Variants in DHRSX observed in about 807,000 individuals in gnomAD.
DHRSX encodes dehydrogenase/reductase X-linked.
Under a neutral mutation model 34.0 loss-of-function variants are expected in DHRSX, and 31 were observed. The observed-to-expected ratio is 0.91, with a 90% CI of 0.69 to 1.23. The LOEUF is 1.23. DHRSX is among the 50% of genes most tolerant of loss of function. The pLI is 0.00. For synonymous variants in DHRSX, 201 were observed against 183.8 expected, an observed-to-expected ratio of 1.09 and a Z score of -0.76; for missense variants, 414 against 428.1, an observed-to-expected ratio of 0.97 and a Z score of 0.29.
intron 3 of DHRSX, among the ~76,000 whole-genome samples, chrX:2,399,406 TA>T (rs776224649): frequency 4.7e-4 from 67 of 142,254 alleles, no homozygotes; most frequent in Non-Finnish European, 5.2e-4. Context: ...ATTTTATGTT[TA>T]AAAAAAAAAA....
intron 3 of DHRSX, among the ~76,000 whole-genome samples, chrX:2,322,737 C>T (rs1272441167): frequency 6.6e-6 from 1 of 150,476 alleles, no homozygotes; most frequent in Non-Finnish European, 1.5e-5. Context: ...ATACAGTATA[C>T]AATACATAAA....
At chrX:2,363,495 C>A (rs113445968) in intron 3 of DHRSX, among the ~76,000 whole-genome samples, 2 of 116,880 alleles carry the variant, frequency 1.7e-5, no homozygotes, top group African/African-American at 6.1e-5. Context: ...ATTTTATCAC[C>A]GTTCTATGGT....
rs1375451038 is a variant in DHRSX, at chrX:2,470,204, C to T, written c.109+30613G>A. ...AATCTAAAAAAGCTGAACGCATAAA[C>T]GCAGAGAGTGCAATGGTGGTTGCCA... On this transcript the variant is annotated intron_variant, in intron 1 of 6. Coordinates refer to ENST00000334651, the MANE Select transcript of DHRSX (RefSeq NM_145177.3). Among the ~76,000 whole-genome samples the T allele has an allele frequency of 3.3e-5, 5 of 150,574 alleles. No individual in the cohort carries two copies. In the East Asian group the frequency reaches 7.7e-4, roughly 23 times the overall value.
At chrX:2,272,969 T>TTA (rs1279555888) in intron 4 of DHRSX, among the ~76,000 whole-genome samples, 5 of 152,148 alleles carry the variant, frequency 3.3e-5, no homozygotes, top group Admixed American at 6.5e-5. Context: ...AAAGAAGTCC[T>TTA]TATATCAAAA....
intron 1 of DHRSX, among the ~76,000 whole-genome samples, chrX:2,430,641 G>A (rs1176499685): frequency 6.6e-6 from 1 of 152,004 alleles, no homozygotes. Flanking sequence ...TTCTGCCAGC[G>A]CCTGTTTGAC....
intron 3 of DHRSX, among the ~76,000 whole-genome samples, chrX:2,307,350 C>T (rs1332672565): frequency 2.0e-5 from 3 of 152,100 alleles, no homozygotes. Context: ...AAAACTCTAC[C>T]TATGAGGTAT....
In DHRSX at chrX:2,381,529, G is replaced by C. The variant is rs1290361283; in HGVS notation, c.286+27216C>G. Among the ~76,000 whole-genome samples the C allele has an allele frequency of 1.2e-4, 18 of 152,066 alleles. 1 individual carries two copies. The highest frequency in any genetic ancestry group is 1.2e-3 in the Admixed American group (18 of 15,258). ...CCCAGCTACTCAGGAGGCTGAGGCA[G>C]GAGAATCGCTTGAACCCAGAGGGCA... is the stretch of plus-strand genomic sequence containing the variant. On this transcript the variant is annotated intron_variant, in intron 3 of 6. Coordinates refer to ENST00000334651, the MANE Select transcript of DHRSX (RefSeq NM_145177.3).
At chrX:2,402,283 C>T (rs1216035210) in intron 3 of DHRSX, among the ~76,000 whole-genome samples, 1 of 152,248 alleles carries the variant, frequency 6.6e-6, no homozygotes, top group African/African-American at 2.4e-5. Flanking sequence ...CTCTGTCCCT[C>T]GCTGGGCAAC....
chrX:2,230,397 AC>A (rs1334432135), intron 6 of DHRSX, among the ~76,000 whole-genome samples: 3 of 152,170 alleles, frequency 2.0e-5, no homozygotes, highest in Non-Finnish European at 4.4e-5. Flanking sequence ...ACACACACAA[AC>A]CTGCTCTTAC....
intron 4 of DHRSX, among the ~76,000 whole-genome samples, chrX:2,282,617 G>GGAGAAA (rs1334699821): frequency 9.1e-5 from 13 of 142,748 alleles, no homozygotes; most frequent in African/African-American, 3.4e-4. Flanking sequence ...AAGAAAGAGG[G>GGAGAAA]GAGGGAGAGA....
intron 1 of DHRSX, among the ~76,000 whole-genome samples, chrX:2,494,800 T>C (rs916316870): frequency 3.9e-5 from 6 of 151,944 alleles, no homozygotes; most frequent in Non-Finnish European, 8.8e-5. Context: ...TCCCAGTACC[T>C]AGAAGAAAAG....
intron 3 of DHRSX, among the ~76,000 whole-genome samples, chrX:2,365,981 G>A (rs192359891): frequency 6.6e-6 from 1 of 152,258 alleles, no homozygotes; most frequent in East Asian, 1.9e-4. Context: ...TGCCTGAAAT[G>A]AATGCTGTCT....
At chrX:2,336,589 TTTG>T (rs1429365443) in intron 3 of DHRSX, among the ~76,000 whole-genome samples, 1 of 149,512 alleles carries the variant, frequency 6.7e-6, no homozygotes, top group Non-Finnish European at 1.5e-5. Flanking sequence ...TTCACGGTAT[TTTG>T]TTTTTTGTTT....
At chrX:2,446,758 A>T (rs1260157656) in intron 1 of DHRSX, among the ~76,000 whole-genome samples, 4 of 148,852 alleles carry the variant, frequency 2.7e-5, no homozygotes, top group African/African-American at 1.0e-4. Context: ...ACAGAAGAAG[A>T]CGTTCCCTAA....
intron 5 of DHRSX, among the ~76,000 whole-genome samples, chrX:2,259,375 G>GATATATATATATAGATATATATAGAT (rs34123441): frequency 2.2e-5 from 3 of 133,830 alleles, no homozygotes; most frequent in Non-Finnish European, 5.1e-5. Flanking sequence ...GATATATATA[G>GATATATATATATAGATATATATAGAT]ATATATATAT....
At chrX:2,485,748 AGG>A (rs1491347450) in intron 1 of DHRSX, among the ~76,000 whole-genome samples, 12,807 of 73,210 alleles carry the variant, frequency 0.17, 1,617 homozygotes, top group East Asian at 0.43. Context: ...GAGAGAAGGG[AGG>A]GAAGGAAGGG....
chrX:2,498,718 C>T (rs190439285), intron 1 of DHRSX, among the ~76,000 whole-genome samples: 1 of 151,914 alleles, frequency 6.6e-6, no homozygotes, highest in Non-Finnish European at 1.5e-5. Flanking sequence ...GCTGCAGGAA[C>T]CCCGGCCTCT....
chrX:2,381,583 T>C (rs2124610973), intron 3 of DHRSX, among the ~76,000 whole-genome samples: 1 of 151,738 alleles, frequency 6.6e-6, no homozygotes, highest in East Asian at 1.9e-4. Flanking sequence ...GATCACACCA[T>C]TGCACTCCAG....
intron 3 of DHRSX, among the ~76,000 whole-genome samples, chrX:2,372,104 G>A (rs1355242812): frequency 1.3e-5 from 2 of 152,122 alleles, no homozygotes; most frequent in Non-Finnish European, 2.9e-5. Context: ...ATTTTCTTGA[G>A]GCTCGGGTTT....
Sources: gnomAD v4.1 joint callset for allele counts (sites outside exome capture counted in the v4.1 genomes callset) on GRCh38, gnomAD v4.1.1 for gene constraint, MANE v1.5 for transcripts, NCBI Gene and HGNC (gene_info 2026-07-23, HGNC 2026-07-21) for gene names.